The following NCOA1 variants were observed in gnomAD, a reference collection of about 807,000 sequenced individuals.
NCOA1 encodes the protein Hin-2 protein.
Under a neutral mutation model 150.9 loss-of-function variants are expected in NCOA1, and 35 were observed. That is an observed-to-expected ratio of 0.23 (90% CI 0.18 to 0.31). The LOEUF (loss-of-function observed/expected upper bound fraction) is 0.31, where lower values mean the gene tolerates loss of function less well. Among genes scored for constraint, NCOA1 ranks in the 10% least tolerant of loss-of-function variants. NCOA1 has a pLI of 1.00. For missense variants in NCOA1, 1,491 were observed against 1,749.3 expected (o/e 0.85, Z 2.63); for synonymous variants, 590 against 630.0 (o/e 0.94, Z 0.95).
intron 15 of NCOA1, among the ~76,000 whole-genome samples, chr2:24,727,239 T>C (rs1662734380): frequency 6.6e-6 from 1 of 152,048 alleles, no homozygotes; most frequent in South Asian, 2.1e-4. Flanking sequence ...GTATACGTTG[T>C]AATCACCAAG....
chr2:24,709,929 T>A (rs1455887276), intron 13 of NCOA1, among the ~76,000 whole-genome samples: 1 of 152,126 alleles, frequency 6.6e-6, no homozygotes, highest in Non-Finnish European at 1.5e-5. Context: ...ATTCTACTTA[T>A]ATACTCTAGA....
chr2:24,543,490 A>G (rs1665482952), intron 1 of NCOA1, among the ~76,000 whole-genome samples: 1 of 152,096 alleles, frequency 6.6e-6, no homozygotes, highest in Admixed American at 6.5e-5. Flanking sequence ...AGCAGAGATA[A>G]TGTGATTTTT....
At chr2:24,612,750 T>C (rs1389316920) in intron 3 of NCOA1, among the ~76,000 whole-genome samples, 4 of 152,194 alleles carry the variant, frequency 2.6e-5, no homozygotes, top group African/African-American at 4.8e-5. Flanking sequence ...CTGATTGACT[T>C]CTTTTTAAAG....
intron 18 of NCOA1, among the ~76,000 whole-genome samples, chr2:24,740,996 C>G (rs543568776): frequency 1.1e-3 from 165 of 152,300 alleles, no homozygotes; most frequent in Non-Finnish European, 2.0e-3. Context: ...ACCACTTACA[C>G]TAATGCCTGG....
At chr2:24,503,561 C>G (rs1193757808) in intron 1 of NCOA1, among the ~76,000 whole-genome samples, 2 of 151,952 alleles carry the variant, frequency 1.3e-5, no homozygotes, top group African/African-American at 2.4e-5. Context: ...ATTATAACCC[C>G]TATAAGGGAG....
chr2:24,575,083 C>CT (rs34166388), intron 2 of NCOA1, among the ~76,000 whole-genome samples: 2 of 151,532 alleles, frequency 1.3e-5, no homozygotes, highest in South Asian at 2.1e-4. Flanking sequence ...TGTTTTTTAT[C>CT]TTTTTTTTTC....
At position 24,491,718 on chromosome 2, in the gene NCOA1, C is replaced by T. The variant is rs186051709; in HGVS notation, c.-396+116C>T. On this transcript the variant is annotated intron_variant, in intron 1 of 22. Coordinates refer to ENST00000348332, the MANE Select transcript of NCOA1 (RefSeq NM_003743.5). The stretch of plus-strand genomic sequence containing the variant: ...CTGGCGCCCCTCCGCCCCCTGCTCT[C>T]CTTTCTCCCGCTCCATCCTCCTCCC... Among the ~76,000 whole-genome samples the T allele has an allele frequency of 8.1e-4, 122 of 151,310 alleles. 2 individuals are homozygous for T. The highest frequency in any genetic ancestry group is 1.9e-4 in the Non-Finnish European group (13 of 67,702).
intron 1 of NCOA1, among the ~76,000 whole-genome samples, chr2:24,563,661 G>A (rs1157494104): frequency 6.6e-6 from 1 of 152,100 alleles, no homozygotes; most frequent in African/African-American, 2.4e-5. Flanking sequence ...GGGACTACAG[G>A]TGGATGCCAC....
intron 1 of NCOA1, among the ~76,000 whole-genome samples, chr2:24,556,362 G>A (rs1307770887): frequency 3.9e-5 from 6 of 152,188 alleles, no homozygotes; most frequent in Non-Finnish European, 8.8e-5. Context: ...ATTCCATGGT[G>A]TATATGTACC....
At chr2:24,576,173 T>TTG (rs1666969933) in intron 2 of NCOA1, among the ~76,000 whole-genome samples, 9 of 40,948 alleles carry the variant, frequency 2.2e-4, no homozygotes, top group Admixed American at 2.0e-3. Flanking sequence ...GTTTTTTGTT[T>TTG]TTTTTTTTTT....
intron 1 of NCOA1, among the ~76,000 whole-genome samples, chr2:24,521,134 T>C (rs1321614849): frequency 6.6e-6 from 1 of 152,178 alleles, no homozygotes; most frequent in Non-Finnish European, 1.5e-5. Context: ...TAGAGTATAA[T>C]TGATGAATAA....
intron 6 of NCOA1, among the ~76,000 whole-genome samples, chr2:24,673,006 G>C (rs1671752617): frequency 6.6e-6 from 1 of 152,122 alleles, no homozygotes; most frequent in Admixed American, 6.5e-5. Flanking sequence ...AAAAGAAAGA[G>C]AAAACTTGAA....
chr2:24,711,195 T>C, intron 14 of NCOA1, 84 bp downstream of exon 14: 1 of 1,326,242 alleles, frequency 7.5e-7, no homozygotes, highest in Non-Finnish European at 1.0e-6. Context: ...ATTACACAGA[T>C]CCTTTGCTTA....
At chr2:24,516,983 C>T (rs1270804290) in intron 1 of NCOA1, among the ~76,000 whole-genome samples, 1 of 51,408 alleles carries the variant, frequency 1.9e-5, no homozygotes, top group South Asian at 7.7e-4. Context: ...TACACATATA[C>T]GTATATATAT....
intron 5 of NCOA1, among the ~76,000 whole-genome samples, chr2:24,661,070 AAAAG>A (rs1671165319): frequency 6.6e-6 from 1 of 152,180 alleles, no homozygotes; most frequent in African/African-American, 2.4e-5. Context: ...TCAAAAAAAA[AAAAG>A]AGTTTCTTTA....
intron 4 of NCOA1, among the ~76,000 whole-genome samples, chr2:24,648,175 C>T (rs773390759): frequency 6.6e-6 from 1 of 151,650 alleles, no homozygotes; most frequent in East Asian, 1.9e-4. Context: ...AAAATATTGC[C>T]GAATATAAAT....
At chr2:24,574,913 C>G (rs1218189532) in intron 2 of NCOA1, among the ~76,000 whole-genome samples, 2 of 151,946 alleles carry the variant, frequency 1.3e-5, no homozygotes, top group African/African-American at 4.8e-5. Context: ...TTTAACATTT[C>G]TTTCCCCCCA....
chr2:24,527,465 C>T (rs575773305), intron 1 of NCOA1, among the ~76,000 whole-genome samples: 13 of 152,176 alleles, frequency 8.5e-5, no homozygotes, highest in African/African-American at 2.6e-4. Flanking sequence ...CAGGTTCATC[C>T]GTGTTGTGGC....
chr2:24,659,580 G>T (rs1341315203), intron 5 of NCOA1, among the ~76,000 whole-genome samples: 1 of 152,092 alleles, frequency 6.6e-6, no homozygotes, highest in Non-Finnish European at 1.5e-5. Flanking sequence ...ATGTTTTTCT[G>T]CAGATACATA....
Sources: gnomAD v4.1 joint callset for allele counts (sites outside exome capture counted in the v4.1 genomes callset) on GRCh38, gnomAD v4.1.1 for gene constraint, MANE v1.5 for transcripts, NCBI Gene and HGNC (gene_info 2026-07-23, HGNC 2026-07-21) for gene names.